Variants in HEATR1 observed in about 807,000 individuals in gnomAD.
The protein encoded by HEATR1 is HEAT repeat containing 1, also known as HEAT repeat-containing protein 1.
In HEATR1, 77 loss-of-function variants were observed where a neutral mutation model predicts 248.2. The observed-to-expected ratio is 0.31, with a 90% CI of 0.26 to 0.37. The LOEUF is 0.37. HEATR1 is among the 10% of genes least tolerant of loss of function. The pLI is 1.00. For missense variants in HEATR1, 2,420 were observed against 2,504.9 expected (o/e 0.97, Z 0.72); for synonymous variants, 897 against 923.1 (o/e 0.97, Z 0.51).
At chr1:236,601,147 T>G (rs1664313171) in intron 3 of HEATR1, among the ~76,000 whole-genome samples, 1 of 152,220 alleles carries the variant, frequency 6.6e-6, no homozygotes. Context: ...TTTGTCTGAT[T>G]GCCCTAATGT....
rs55866014 is a variant in HEATR1 at position 236,550,992 on chromosome 1, T to TAAAAAAA, written c.6347-9_6347-3dup. 11 of 1,255,680 alleles carry TAAAAAAA rather than the reference T, an allele frequency of 8.8e-6. No individual in the cohort carries two copies. The highest frequency in any genetic ancestry group is 1.6e-5 in the African/African-American group (1 of 63,786). The allele number at this position is 1,255,680 out of a possible 1,614,324, so 77.8% of individuals were successfully genotyped here. A position where few individuals can be genotyped will look rare whatever the true frequency, so the allele number is the denominator to read the frequency against. On this transcript the variant is annotated splice_polypyrimidine_tract_variant and splice_region_variant and intron_variant, in intron 44 of 44. Transcript: ENST00000366582. ...GATGTTCTACTTCTTCACATTCATCTAAAAAAAAAAAAAAAAAATCAAAAT... is the reference window on the plus strand; with the variant it reads ...GATGTTCTACTTCTTCACATTCATCTAAAAAAAAAAAAAAAAAAAAAAAAATCAAAAT...
intron 26 of HEATR1, 89 bp from the exon 27 acceptor site, chr1:236,571,775 A>G: frequency 1.3e-6 from 1 of 769,656 alleles, no homozygotes; most frequent in East Asian, 3.3e-5. Context: ...GAACTCATTC[A>G]ATAAGGAACT....
chr1:236,557,494 A>C, intron 36 of HEATR1, 149 bp from the exon 37 acceptor site: 1 of 748,992 alleles, frequency 1.3e-6, no homozygotes, highest in South Asian at 1.9e-5. Context: ...TATACATTTT[A>C]TGTGGCTAAG....
intron 26 of HEATR1, among the ~76,000 whole-genome samples, chr1:236,572,011 C>T (rs1277131332): frequency 9.9e-5 from 15 of 152,146 alleles, no homozygotes; most frequent in Non-Finnish European, 1.5e-5. Flanking sequence ...TCAATTTACA[C>T]ACACACATAC....
intron 11 of HEATR1, among the ~76,000 whole-genome samples, chr1:236,591,240 T>A (rs1572051051): frequency 6.6e-6 from 1 of 152,358 alleles, no homozygotes; most frequent in African/African-American, 2.4e-5. Flanking sequence ...TTTGTATGCG[T>A]ATCTGATAAA....
rs964203663 is a variant in HEATR1, at chr1:236,583,707, G to A, written c.2242-511C>T. Reference sequence around the variant, plus strand: ...TCACCATTTTGGCCAGGTTGGTCTCGAACTCCTGTCCTCAGATGATCCACC... The same window carrying A: ...TCACCATTTTGGCCAGGTTGGTCTCAAACTCCTGTCCTCAGATGATCCACC... On this transcript the variant is annotated intron_variant, in intron 17 of 44. Transcript: ENST00000366582. 5.3e-5 allele frequency among the ~76,000 whole-genome samples: 8 copies of A among 152,030 alleles called. No homozygotes were observed. In the East Asian group the frequency reaches 5.8e-4, roughly 11 times the overall value.
chr1:236,559,028 C>T lies in HEATR1; in HGVS notation c.4878G>A (p.Lys1626=), dbSNP rs1663052408. Residue 1626 remains lysine, a synonymous_variant, in exon 35 of 45, where the codon AAG becomes AAA. Transcript: ENST00000366582. ...TCTTCCAGGATATATTTTGCTGCAG[C>T]TTGTTATTCAAAAGGTCCAGCGCTT... ...RRKALDLLNN[K]LQQNISWKKT... 1 of 1,611,654 alleles carries T rather than the reference C, an allele frequency of 6.2e-7. No homozygotes were observed. The highest frequency in any genetic ancestry group is 1.3e-5 in the African/African-American group (1 of 74,796).
At chr1:236,592,143 C>A in intron 10 of HEATR1, 33 bp from the exon 11 acceptor site, 2 of 1,105,200 alleles carry the variant, frequency 1.8e-6, no homozygotes, top group South Asian at 1.5e-5. Flanking sequence ...ATTCATTATT[C>A]TTAATAAATT....
Position 236,557,308 on chromosome 1 carries a change from T to A in HEATR1, c.5242A>T (p.Ser1748Cys), listed in dbSNP as rs199987609. 6.2e-7 allele frequency: 1 copy of A among 1,614,186 alleles called. No individual in the cohort carries two copies. The highest frequency in any genetic ancestry group is 2.2e-5 in the East Asian group (1 of 44,886). ...PSLLTTMKNT[S>C]ELVSSEVYLL... ...TAGACCTCGCTGGAGACCAGCTCGCTGGTGTTCTTCATTGTTGTCAGCAAC... is the reference window on the plus strand; with the variant it reads ...TAGACCTCGCTGGAGACCAGCTCGCAGGTGTTCTTCATTGTTGTCAGCAAC... Residue 1748 changes from serine to cysteine, a missense_variant, in exon 37 of 45, where the codon AGC (serine) becomes TGC (cysteine). Transcript: ENST00000366582.
intron 20 of HEATR1, among the ~76,000 whole-genome samples, chr1:236,579,953 C>CA (rs748872560): frequency 0.036 from 5,329 of 149,860 alleles, 108 homozygotes; most frequent in Middle Eastern, 0.059. Flanking sequence ...AGAAACAAAA[C>CA]AAAAAAAAAC....
intron 12 of HEATR1, among the ~76,000 whole-genome samples, chr1:236,590,511 G>A (rs930082775): frequency 3.4e-4 from 52 of 152,084 alleles, no homozygotes; most frequent in Non-Finnish European, 5.9e-5. Flanking sequence ...ATAGGCATGA[G>A]CTGCTGTGAC....
chr1:236,551,853 T>C, intron 44 of HEATR1, 146 bp downstream of exon 44: 2 of 603,200 alleles, frequency 3.3e-6, no homozygotes, highest in Non-Finnish European at 5.8e-6. Flanking sequence ...CCTGCCTGTA[T>C]TTGAGACTGG....
rs1198430500 is a variant in HEATR1 at position 236,564,539 on chromosome 1, A to G, written c.4558T>C (p.Phe1520Leu). ...TTGGAAGACAGGAGCTGAGACATGA[A>G]GGACACTGACAAAAATTTAAAATGC... ...LRHFKFLSVS[F>L]MSQLLSSNNF... Residue 1520 changes from phenylalanine to leucine, a missense_variant, in exon 32 of 45, where the codon TTC becomes CTC. By Grantham distance (22) the Phe-to-Leu change is conservative. Coordinates refer to ENST00000366582, the MANE Select transcript of HEATR1 (RefSeq NM_018072.6). The G allele has an allele frequency of 1.2e-6, 2 of 1,613,960 alleles. No homozygotes were observed. Among genetic ancestry groups the G allele is most frequent in the Non-Finnish European group, 1.7e-6 (2 of 1,179,996 alleles).
chr1:236,574,984 G>T, intron 22 of HEATR1, 81 bp from the exon 23 acceptor site: 2 of 1,347,768 alleles, frequency 1.5e-6, no homozygotes, highest in Non-Finnish European at 2.0e-6. Flanking sequence ...CTCAAAGCCT[G>T]CTGGAAGATG....
At chr1:236,590,236 C>CA (rs984201797) in intron 12 of HEATR1, among the ~76,000 whole-genome samples, 1 of 148,744 alleles carries the variant, frequency 6.7e-6, no homozygotes, top group African/African-American at 2.6e-5. Context: ...TCAAATTTCT[C>CA]GGTTTTTTTT....
At chr1:236,600,271 C>T (rs541738329) in intron 3 of HEATR1, among the ~76,000 whole-genome samples, 4 of 150,794 alleles carry the variant, frequency 2.7e-5, no homozygotes, top group Admixed American at 2.0e-4. Flanking sequence ...GGACTACAAA[C>T]TCATACCACC....
At chr1:236,568,389 G>A (rs1663329949) in intron 29 of HEATR1, among the ~76,000 whole-genome samples, 1 of 152,148 alleles carries the variant, frequency 6.6e-6, no homozygotes, top group African/African-American at 2.4e-5. Context: ...ATCCCTCAGA[G>A]GGTCAATAGC....
At chr1:236,593,935 A>G in intron 9 of HEATR1, 77 bp downstream of exon 9, 3 of 959,332 alleles carry the variant, frequency 3.1e-6, no homozygotes, top group Non-Finnish European at 1.6e-6. Context: ...GAATGCTGGG[A>G]AATTTCTAAC....
intron 37 of HEATR1, 83 bp downstream of exon 37, chr1:236,557,112 A>T: frequency 7.0e-7 from 1 of 1,434,376 alleles, no homozygotes; most frequent in Non-Finnish European, 9.3e-7. Flanking sequence ...CTAACCCTTA[A>T]AGAAAAAACA....
Sources: allele counts gnomAD v4.1 joint callset (sites outside exome capture counted in the v4.1 genomes callset), GRCh38; gene constraint gnomAD v4.1.1; transcripts MANE v1.5; gene names NCBI Gene and HGNC (gene_info 2026-07-23, HGNC 2026-07-21).